The following RUBCNL variants were observed in gnomAD, a reference collection of about 807,000 sequenced individuals.
RUBCNL encodes the protein protein associated with UVRAG as autophagy enhancer.
RUBCNL carries 62 observed loss-of-function variants against 69.5 expected under a neutral mutation model. The observed-to-expected ratio is 0.89, with a 90% CI of 0.73 to 1.10. The LOEUF (loss-of-function observed/expected upper bound fraction) is 1.10, where lower values mean the gene tolerates loss of function less well. Among genes scored for constraint, RUBCNL ranks in the 50% least tolerant of loss-of-function variants. The pLI is 0.00. For synonymous variants in RUBCNL, 291 were observed against 303.6 expected (o/e 0.96, Z 0.43); for missense variants, 768 against 798.1 (o/e 0.96, Z 0.45).
Position 46,363,158 on chromosome 13 carries a change from C to T in RUBCNL, c.882G>A (p.Val294=), listed in dbSNP as rs758582431. Residue 294 remains valine (V), a synonymous_variant, in exon 6 of 15, where the codon GTG becomes GTA. Transcript: ENST00000429979. ...CAACATCGCATTTGCAAATCTCTTTCACATCATGGTAAGTACGTGTTTCAG... is the reference window on the plus strand; with the variant it reads ...CAACATCGCATTTGCAAATCTCTTTTACATCATGGTAAGTACGTGTTTCAG... ...PVTETRTYHD[V]KEICKCDVDE... 3.1e-6 allele frequency: 5 copies of T among 1,602,294 alleles called. No homozygotes were observed. Among genetic ancestry groups the T allele is most frequent in the Non-Finnish European group, 2.6e-6 (3 of 1,174,610 alleles).
At position 46,344,868 on chromosome 13, in the gene RUBCNL, T is replaced by C. The variant is rs781575670; in HGVS notation, c.1786-37A>G. 5.1e-6 allele frequency: 7 copies of C among 1,372,446 alleles called. No individual in the cohort carries two copies. In the South Asian group the frequency reaches 7.3e-5, roughly 14 times the overall value. 85.0% of individuals were successfully genotyped at this position (1,372,446 alleles called of 1,614,324 possible). A position where few individuals can be genotyped will look rare whatever the true frequency, so the allele number is the denominator to read the frequency against. ...GACATCAAAAAGTTACAACCTTCTC[T>C]TGATGGATAAGCTGAGTTTTCACTA... On this transcript the variant is annotated intron_variant, in intron 13 of 14. Coordinates refer to ENST00000429979, the MANE Select transcript of RUBCNL (RefSeq NM_025113.5).
chr13:46,349,993 G>T, intron 11 of RUBCNL, 120 bp downstream of exon 11: 2 of 760,070 alleles, frequency 2.6e-6, no homozygotes, highest in Non-Finnish European at 4.3e-6. Context: ...CGCTTCACTC[G>T]CTTTATGATC....
chr13:46,376,362 A>G (rs920062661), intron 2 of RUBCNL, among the ~76,000 whole-genome samples: 28 of 152,216 alleles, frequency 1.8e-4, no homozygotes, highest in African/African-American at 6.5e-4. Context: ...TTAATATATA[A>G]ATGCATCTTT....
At chr13:46,387,964 T>A, upstream of RUBCNL, 1 of 567,010 alleles carries the variant, frequency 1.8e-6, no homozygotes, top group Non-Finnish European at 2.2e-6. Context: ...TCCCAGCACC[T>A]ACTTTGGGAG....
At chr13:46,386,914 GA>G (rs1384892852) in intron 1 of RUBCNL, among the ~76,000 whole-genome samples, 1 of 152,150 alleles carries the variant, frequency 6.6e-6, no homozygotes, top group Non-Finnish European at 1.5e-5. Context: ...CAACCGGATA[GA>G]AATCCGCCAC....
rs764458781 is a variant in RUBCNL at position 46,335,260 on chromosome 13, G to GTTTTT, written c.*8120_*8124dup. ...GTGTCTTTTTGTTGTTGTTGTTGTT[G>GTTTTT]TTTTTTTTTTTTTTTTTTTTTTTTT... On this transcript the variant is annotated 3_prime_UTR_variant, in exon 15 of 15. Transcript: ENST00000429979. Among the ~76,000 whole-genome samples the GTTTTT allele has an allele frequency of 1.2e-4, 12 of 101,898 alleles. No homozygotes were observed. Among genetic ancestry groups the GTTTTT allele is most frequent in the Non-Finnish European group, 1.5e-4 (8 of 53,464 alleles). 66.8% of individuals were successfully genotyped at this position (101,898 alleles called of 152,430 possible). A position where few individuals can be genotyped will look rare whatever the true frequency, so the allele number is the denominator to read the frequency against.
rs2048146434 is a variant in RUBCNL at position 46,341,838 on chromosome 13, C to T, written c.*1547G>A. On this transcript the variant is annotated 3_prime_UTR_variant, in exon 15 of 15. Coordinates refer to ENST00000429979, the MANE Select transcript of RUBCNL (RefSeq NM_025113.5). ...ATGTCAACCCCAGCTCCATCATGCA[C>T]TTCCTGTGGGAACCTAGGAAAGTTA... Among the ~76,000 whole-genome samples, 1 of 152,222 alleles carries T rather than the reference C, an allele frequency of 6.6e-6. No homozygotes were observed. Among genetic ancestry groups the T allele is most frequent in the Non-Finnish European group, 1.5e-5 (1 of 68,038 alleles).
intron 1 of RUBCNL, among the ~76,000 whole-genome samples, chr13:46,384,313 CA>C (rs1432376323): frequency 6.6e-6 from 1 of 152,172 alleles, no homozygotes; most frequent in Non-Finnish European, 1.5e-5. Context: ...GTGCCCTAAA[CA>C]TATTTTTGGA....
chr13:46,358,457 G>A (rs2048538422), intron 9 of RUBCNL, among the ~76,000 whole-genome samples: 1 of 152,046 alleles, frequency 6.6e-6, no homozygotes, highest in South Asian at 2.1e-4. Flanking sequence ...TAAATTTATA[G>A]GTTTATTTCC....
chr13:46,339,373 C>T lies in RUBCNL; in HGVS notation c.*4012G>A, dbSNP rs146091138. Among the ~76,000 whole-genome samples, 1,981 of 152,340 alleles carry T rather than the reference C, an allele frequency of 0.013. 25 individuals carry two copies. The highest frequency in any genetic ancestry group is 0.022 in the Non-Finnish European group (1,512 of 68,028). On this transcript the variant is annotated 3_prime_UTR_variant, in exon 15 of 15. Coordinates refer to ENST00000429979, the MANE Select transcript of RUBCNL (RefSeq NM_025113.5). ...GAAGCACGCTTCTAAAAATGACACA[C>T]TTCACCCTCCTTTGGCGATGAGTTC... is the stretch of plus-strand genomic sequence containing the variant.
chr13:46,346,767 C>T (rs1033557027), intron 12 of RUBCNL, among the ~76,000 whole-genome samples: 2 of 148,254 alleles, frequency 1.3e-5, no homozygotes, highest in Admixed American at 6.7e-5. Context: ...CTGAAAAAAA[C>T]GCTTTAAAGC....
At chr13:46,363,273 C>A (rs1374816668) in intron 5 of RUBCNL, 60 bp from the exon 6 acceptor site, 8 of 774,458 alleles carry the variant, frequency 1.0e-5, no homozygotes, top group Non-Finnish European at 1.2e-5. Context: ...ACTGTACAAC[C>A]TGCAACACCC....
intron 2 of RUBCNL, among the ~76,000 whole-genome samples, chr13:46,373,032 G>A (rs1248057810): frequency 1.3e-5 from 2 of 151,644 alleles, no homozygotes; most frequent in Non-Finnish European, 2.9e-5. Flanking sequence ...GGAGTGCAGT[G>A]GGGCCATCTC....
At position 46,339,659 on chromosome 13, in the gene RUBCNL, G is replaced by C. The variant is rs2048127423; in HGVS notation, c.*3726C>G. 6.6e-6 allele frequency among the ~76,000 whole-genome samples: 1 copy of C among 152,116 alleles called. No homozygotes were observed. The highest frequency in any genetic ancestry group is 2.4e-5 in the African/African-American group (1 of 41,426). The stretch of plus-strand genomic sequence containing the variant: ...AGATCACCTGAGGTCAGGGGTTAGA[G>C]ACCAGCCTTGCCAACATGGTGAAAA... On this transcript the variant is annotated 3_prime_UTR_variant, in exon 15 of 15. Transcript: ENST00000429979.
At chr13:46,379,839 A>G (rs1345880502) in intron 1 of RUBCNL, among the ~76,000 whole-genome samples, 2 of 152,368 alleles carry the variant, frequency 1.3e-5, no homozygotes, top group East Asian at 3.9e-4. Context: ...CTCAGGATCT[A>G]CTTCTCTTCA....
At position 46,339,678 on chromosome 13, in the gene RUBCNL, G is replaced by A. The variant is rs539450401; in HGVS notation, c.*3707C>T. 5.1e-4 allele frequency among the ~76,000 whole-genome samples: 77 copies of A among 152,200 alleles called. No homozygotes were observed. The Middle Eastern group carries it at 0.01, about 20-fold the overall frequency. On this transcript the variant is annotated 3_prime_UTR_variant, in exon 15 of 15. Transcript: ENST00000429979. ...GTTAGAGACCAGCCTTGCCAACATG[G>A]TGAAAACCCGTCTCTACTAAAAATA...
intron 10 of RUBCNL, among the ~76,000 whole-genome samples, chr13:46,353,795 T>TGTTCTATA (rs1566069371): frequency 1.3e-5 from 2 of 152,242 alleles, no homozygotes; most frequent in African/African-American, 2.4e-5. Flanking sequence ...GGGATAAAAG[T>TGTTCTATA]GTTCTATATC....
intron 14 of RUBCNL, 136 bp downstream of exon 14, chr13:46,344,605 C>A (rs1048951952): frequency 4.6e-6 from 3 of 650,406 alleles, no homozygotes; most frequent in Non-Finnish European, 8.0e-6. Context: ...CACACACCAG[C>A]ATGACTGTAC....
At chr13:46,345,336 G>C in intron 13 of RUBCNL, 111 bp downstream of exon 13, 1 of 1,296,880 alleles carries the variant, frequency 7.7e-7, no homozygotes, top group Non-Finnish European at 1.0e-6. Context: ...TCTCTAACTA[G>C]GTCACCGGCA....
Sources: allele counts gnomAD v4.1 joint callset (sites outside exome capture counted in the v4.1 genomes callset), GRCh38; gene constraint gnomAD v4.1.1; transcripts MANE v1.5; gene names NCBI Gene and HGNC (gene_info 2026-07-23, HGNC 2026-07-21).